CDH23: variants seen among roughly 807,000 people sequenced by gnomAD.
CDH23 encodes cadherin-23.
A neutral mutation model predicts 317.1 loss-of-function variants in CDH23; 189 were observed. That is an observed-to-expected ratio of 0.60 (90% CI 0.53 to 0.67). The LOEUF is 0.67. Ranked by LOEUF, CDH23 falls within the 30% of genes least tolerant of loss-of-function variation. The pLI is 0.00. For synonymous variants in CDH23, 1,839 were observed against 1,876.8 expected (o/e 0.98, Z 0.52); for missense variants, 4,401 against 4,592.4 (o/e 0.96, Z 1.20).
Position 71,785,745 on chromosome 10 carries a change from C to T in CDH23, c.5820+7C>T. ...TCCACGCATAGCCAGGAGGGTGAGA[C>T]TGGAGGGCACTGGTGGGAGTGGGCT... On this transcript the variant is annotated splice_region_variant and intron_variant, in intron 44 of 69. Coordinates refer to ENST00000224721, the MANE Select transcript of CDH23 (RefSeq NM_022124.6). 6.5e-7 allele frequency: 1 copy of T among 1,536,938 alleles called. No individual in the cohort carries two copies.
At chr10:71,739,599 T>C in intron 35 of CDH23, 45 bp from the exon 36 acceptor site, 1 of 1,597,884 alleles carries the variant, frequency 6.3e-7, no homozygotes, top group Non-Finnish European at 8.5e-7. Flanking sequence ...CCTGGCCACC[T>C]CTCCTCCACA....
At chr10:71,800,142 T>C (rs1243038500) in intron 52 of CDH23, among the ~76,000 whole-genome samples, 1 of 152,258 alleles carries the variant, frequency 6.6e-6, no homozygotes, top group Non-Finnish European at 1.5e-5. Context: ...ATTTCAAATG[T>C]CTGCTAATTG....
chr10:71,811,283 G>A (rs1430277300), intron 62 of CDH23, 32 bp from the exon 63 acceptor site: 8 of 1,613,264 alleles, frequency 5.0e-6, no homozygotes, highest in Non-Finnish European at 6.8e-6. Context: ...AATGGCTGAG[G>A]AGGAGAGCTG....
rs543344144 is a variant in CDH23 at position 71,725,561 on chromosome 10, G to A, written c.3579+41G>A. Reference sequence around the variant, plus strand: ...GGCTGGGGTGCTGACCTCAGGACGGGGCCAAGCCCACAGCTAGAACAGAGA... The same window carrying A: ...GGCTGGGGTGCTGACCTCAGGACGGAGCCAAGCCCACAGCTAGAACAGAGA... On this transcript the variant is annotated intron_variant, in intron 30 of 69. Coordinates refer to ENST00000224721, the MANE Select transcript of CDH23 (RefSeq NM_022124.6). The A allele has an allele frequency of 1.4e-5, 23 of 1,594,020 alleles. No homozygotes were observed. The Admixed American group carries it at 2.4e-4, about 17-fold the overall frequency.
rs397517315 is a variant in CDH23, at chr10:71,694,163, G to C, written c.2193G>C (p.Thr731=). 136 of 1,605,622 alleles carry C rather than the reference G, an allele frequency of 8.5e-5. No homozygotes were observed. The Admixed American group carries it at 2.2e-3, about 26-fold the overall frequency. The stretch of plus-strand genomic sequence containing the variant: ...CTCTGGCAGGGGAAATCACCACCAC[G>C]TCTCTGCTTGACCGAGAGACCAAGT... The part of the protein sequence containing the change: ...INARSGEITT[T]SLLDRETKSE... Residue 731 remains threonine, a synonymous_variant, in exon 21 of 70, where the codon ACG becomes ACC. Transcript: ENST00000224721.
In CDH23 at chr10:71,489,494, G is replaced by A. The variant is rs114275962; in HGVS notation, c.146-20588G>A. ...TCCATTATTGAAACACAGTAAACAT[G>A]TTTTACATTCTATGCCTGATAATTG... On this transcript the variant is annotated intron_variant, in intron 3 of 69. Coordinates refer to ENST00000224721, the MANE Select transcript of CDH23 (RefSeq NM_022124.6). Among the ~76,000 whole-genome samples, 378 of 152,076 alleles carry A rather than the reference G, an allele frequency of 2.5e-3. 1 individual carries two copies. The highest frequency in any genetic ancestry group is 8.5e-3 in the African/African-American group (352 of 41,444).
chr10:71,686,798 A>G (rs1403086227), intron 18 of CDH23, among the ~76,000 whole-genome samples: 6 of 152,276 alleles, frequency 3.9e-5, no homozygotes, highest in Middle Eastern at 3.4e-3. Flanking sequence ...GGCTTCCTCC[A>G]AGAGGGAAGC....
intron 6 of CDH23, among the ~76,000 whole-genome samples, chr10:71,547,167 G>A (rs1228512293): frequency 1.3e-5 from 2 of 152,204 alleles, no homozygotes; most frequent in Non-Finnish European, 2.9e-5. Flanking sequence ...CAGTGGGATT[G>A]GAGACCCAGA....
At chr10:71,558,111 C>A (rs865988814) in intron 6 of CDH23, among the ~76,000 whole-genome samples, 1 of 152,020 alleles carries the variant, frequency 6.6e-6, no homozygotes, top group Admixed American at 6.5e-5. Context: ...GTTTCTCCTG[C>A]CTCAGCCTCC....
In CDH23 at chr10:71,709,890, T is replaced by G. The variant is rs545836708; in HGVS notation, c.3220+679T>G. ...GGAGGCCACGTGGAACTCACAATCA[T>G]GGCAGAAGGCAAGGAGGAGCAAGTC... On this transcript the variant is annotated intron_variant, in intron 27 of 69. Coordinates refer to ENST00000224721, the MANE Select transcript of CDH23 (RefSeq NM_022124.6). 2.4e-3 allele frequency among the ~76,000 whole-genome samples: 366 copies of G among 152,196 alleles called. 4 individuals are homozygous for G. The highest frequency in any genetic ancestry group is 1.7e-3 in the Non-Finnish European group (115 of 68,004).
intron 4 of CDH23, 149 bp downstream of exon 4, chr10:71,510,373 T>C (rs1853897512): frequency 1.1e-6 from 1 of 920,430 alleles, no homozygotes. Context: ...GGTATTCCTC[T>C]TCAAGGGCCA....
chr10:71,771,396 C>T (rs1386563860), intron 38 of CDH23, among the ~76,000 whole-genome samples: 1 of 152,216 alleles, frequency 6.6e-6, no homozygotes, highest in Admixed American at 6.5e-5. Flanking sequence ...TCTCACTTTC[C>T]CTGGCATAAA....
At chr10:71,554,906 G>A (rs933683104) in intron 6 of CDH23, among the ~76,000 whole-genome samples, 1 of 152,210 alleles carries the variant, frequency 6.6e-6, no homozygotes, top group African/African-American at 2.4e-5. Flanking sequence ...AAGGAAGTGG[G>A]AAGTTATTGG....
At chr10:71,649,666 T>A (rs1179492929) in intron 14 of CDH23, among the ~76,000 whole-genome samples, 2 of 152,220 alleles carry the variant, frequency 1.3e-5, no homozygotes, top group Non-Finnish European at 2.9e-5. Flanking sequence ...CAGTCAGCGC[T>A]GGCAGAACCC....
chr10:71,676,880 G>A (rs1005939127), intron 15 of CDH23, among the ~76,000 whole-genome samples: 4 of 152,196 alleles, frequency 2.6e-5, no homozygotes, highest in African/African-American at 9.7e-5. Context: ...TGTGGTCAGA[G>A]CACACAGATG....
At chr10:71,773,609 G>C (rs943741411) in intron 38 of CDH23, 14 of 542,782 alleles carry the variant, frequency 2.6e-5, no homozygotes, top group East Asian at 7.3e-5. Context: ...GGGGCCGTGT[G>C]GGGGAACTGC....
chr10:71,429,325 G>A (rs1390213343), intron 1 of CDH23, among the ~76,000 whole-genome samples: 1 of 152,226 alleles, frequency 6.6e-6, no homozygotes, highest in East Asian at 1.9e-4. Flanking sequence ...CCAGGGGTCT[G>A]CATGGGGTGT....
chr10:71,558,088 C>T (rs550344220), intron 6 of CDH23, among the ~76,000 whole-genome samples: 1 of 60,314 alleles, frequency 1.7e-5, no homozygotes, highest in Non-Finnish European at 3.0e-5. Context: ...ACATCTCCCT[C>T]CTGGGTTCAA....
chr10:71,508,810 C>T (rs965488032), intron 3 of CDH23, among the ~76,000 whole-genome samples: 7 of 152,166 alleles, frequency 4.6e-5, no homozygotes, highest in African/African-American at 7.2e-5. Context: ...CGGAAAATGA[C>T]GCGCTGTACA....
Sources: allele counts gnomAD v4.1 joint callset (sites outside exome capture counted in the v4.1 genomes callset), GRCh38; gene constraint gnomAD v4.1.1; transcripts MANE v1.5; gene names NCBI Gene and HGNC (gene_info 2026-07-23, HGNC 2026-07-21).